Variants in CCNK observed in about 807,000 individuals in gnomAD.
CCNK encodes the protein cyclin-K.
A neutral mutation model predicts 65.0 loss-of-function variants in CCNK; 9 were observed. The ratio of observed to expected loss-of-function variants is 0.14; its 90% CI spans 0.08 to 0.24. The LOEUF (loss-of-function observed/expected upper bound fraction) is 0.24. Ranked by LOEUF, CCNK falls within the 10% of genes least tolerant of loss-of-function variation. CCNK has a pLI of 1.00. For synonymous variants in CCNK, 279 were observed against 270.8 expected, an observed-to-expected ratio of 1.03 and a Z score of -0.30; for missense variants, 474 against 720.0, an observed-to-expected ratio of 0.66 and a Z score of 3.91.
intron 1 of CCNK, among the ~76,000 whole-genome samples, chr14:99,485,498 C>G (rs1433819516): frequency 6.6e-6 from 1 of 152,192 alleles, no homozygotes; most frequent in East Asian, 1.9e-4. Flanking sequence ...CTAAGGTTAA[C>G]TTTCTTGCTG....
At chr14:99,496,572 T>G (rs1896706030) in intron 4 of CCNK, among the ~76,000 whole-genome samples, 1 of 151,642 alleles carries the variant, frequency 6.6e-6, no homozygotes. Flanking sequence ...TAACCGGGCG[T>G]GGTGGTGGGT....
chr14:99,500,700 C>T, intron 4 of CCNK, 66 bp from the exon 5 acceptor site: 1 of 1,060,932 alleles, frequency 9.4e-7, no homozygotes, highest in Non-Finnish European at 1.4e-6. Context: ...GGAAAGCTCA[C>T]TTTTGTAATG....
intron 4 of CCNK, among the ~76,000 whole-genome samples, chr14:99,498,439 G>A (rs550292932): frequency 3.3e-5 from 5 of 152,318 alleles, no homozygotes; most frequent in East Asian, 1.9e-4. Flanking sequence ...AGACATTGGG[G>A]AAGATGTTTT....
chr14:99,500,922 A>G (rs763071876), intron 5 of CCNK, 51 bp downstream of exon 5: 2 of 1,135,360 alleles, frequency 1.8e-6, no homozygotes, highest in African/African-American at 3.2e-5. Context: ...TCAAGTCTTT[A>G]TAATTTGATG....
intron 1 of CCNK, among the ~76,000 whole-genome samples, chr14:99,485,639 T>C (rs551853752): frequency 6.6e-6 from 1 of 152,296 alleles, no homozygotes; most frequent in East Asian, 1.9e-4. Flanking sequence ...ACCAAAACAA[T>C]AACAAAACCT....
chr14:99,488,217 T>C (rs2139851713), intron 1 of CCNK, among the ~76,000 whole-genome samples: 1 of 151,786 alleles, frequency 6.6e-6, no homozygotes, highest in South Asian at 2.1e-4. Flanking sequence ...CCCTCCCTAA[T>C]ACCCTCTAAT....
chr14:99,503,482 G>T (rs985511062), intron 8 of CCNK, 129 bp from the exon 9 acceptor site: 1 of 725,372 alleles, frequency 1.4e-6, no homozygotes, highest in Non-Finnish European at 2.3e-6. Context: ...GTTCAGGCTA[G>T]AAATAATTTT....
At chr14:99,490,928 C>CAAA (rs56222414) in intron 1 of CCNK, among the ~76,000 whole-genome samples, 3 of 80,022 alleles carry the variant, frequency 3.7e-5, no homozygotes, top group Admixed American at 1.4e-4. Context: ...GACTCCGTCT[C>CAAA]AAAAAAAAAA....
chr14:99,503,832 T>C lies in CCNK; in HGVS notation c.1045+188T>C. On this transcript the variant is annotated intron_variant, in intron 9 of 10. Coordinates refer to ENST00000389879, the MANE Select transcript of CCNK (RefSeq NM_001099402.2). Reference sequence around the variant, plus strand: ...GATCATAGATTCTAAAATTGTGCTCTTACGAAGCTATCAGTACAGAAAACA... The same window carrying C: ...GATCATAGATTCTAAAATTGTGCTCCTACGAAGCTATCAGTACAGAAAACA... 4 of 591,782 alleles carry C rather than the reference T, an allele frequency of 6.8e-6. No homozygotes were observed. The South Asian group carries it at 8.6e-5, about 13-fold the overall frequency. 36.7% of individuals were successfully genotyped at this position (591,782 alleles called of 1,614,324 possible).
At chr14:99,495,166 C>T (rs939035499) in intron 3 of CCNK, 1 of 189,492 alleles carries the variant, frequency 5.3e-6, no homozygotes, top group Non-Finnish European at 1.1e-5. Context: ...TCTTTTTCCA[C>T]GGCAAAGCTT....
rs1296820172 is a variant in CCNK at position 99,502,929 on chromosome 14, A to G, written c.956A>G (p.Gln319Arg). The part of the protein sequence containing the change: ...QPAQQQQPAQ[Q>R]PKKPSPQPSS... ...GCCCAGCAGCAGCAGCCAGCCCAACAGCCCAAGAAACCCTCTCCGCAGCCC... is the reference window on the plus strand; with the variant it reads ...GCCCAGCAGCAGCAGCCAGCCCAACGGCCCAAGAAACCCTCTCCGCAGCCC... Residue 319 changes from glutamine (Q) to arginine (R), a missense_variant, in exon 8 of 11, where the codon CAG becomes CGG. Coordinates refer to ENST00000389879, the MANE Select transcript of CCNK (RefSeq NM_001099402.2). 3 of 1,613,752 alleles carry G rather than the reference A, an allele frequency of 1.9e-6. No individual in the cohort carries two copies. In the African/African-American group the frequency reaches 4.0e-5, roughly 22 times the overall value.
intron 4 of CCNK, among the ~76,000 whole-genome samples, chr14:99,496,055 G>T (rs955708545): frequency 1.3e-5 from 2 of 152,122 alleles, no homozygotes; most frequent in African/African-American, 4.8e-5. Context: ...ATGTTGGAAG[G>T]TATCAACATT....
At position 99,492,796 on chromosome 14, in the gene CCNK, G is replaced by C; in HGVS notation, c.119G>C (p.Gly40Ala). 6.2e-7 allele frequency: 1 copy of C among 1,613,250 alleles called. No homozygotes were observed. Among genetic ancestry groups the C allele is most frequent in the South Asian group, 1.1e-5 (1 of 90,970 alleles). Residue 40 changes from glycine (G) to alanine (A), a missense_variant, in exon 2 of 11, where the codon GGA (glycine) becomes GCA (alanine). Coordinates refer to ENST00000389879, the MANE Select transcript of CCNK (RefSeq NM_001099402.2). Reference protein sequence around the residue: ...DLAHTPSQLEGLDPATEARYR... With the variant: ...DLAHTPSQLEALDPATEARYR... ...GCTCATACACCCTCACAACTTGAAGGACTTGATCCAGCCACCGAGGCCCGG... is the reference window on the plus strand; with the variant it reads ...GCTCATACACCCTCACAACTTGAAGCACTTGATCCAGCCACCGAGGCCCGG...
At chr14:99,496,930 CTT>C (rs146560564) in intron 4 of CCNK, among the ~76,000 whole-genome samples, 1 of 129,756 alleles carries the variant, frequency 7.7e-6, no homozygotes, top group African/African-American at 2.8e-5. Flanking sequence ...AAAAAAAATG[CTT>C]TTTTTTTTTT....
intron 4 of CCNK, among the ~76,000 whole-genome samples, chr14:99,496,566 C>T (rs909056382): frequency 2.6e-5 from 4 of 151,952 alleles, no homozygotes; most frequent in Non-Finnish European, 4.4e-5. Flanking sequence ...AAAAATTAAC[C>T]GGGCGTGGTG....
intron 4 of CCNK, chr14:99,500,117 A>G (rs149525068): frequency 1.3e-5 from 2 of 152,508 alleles, no homozygotes; most frequent in East Asian, 3.8e-4. Context: ...GTAGGCAGAC[A>G]TACACACGTA....
At chr14:99,488,540 G>A (rs1896539641) in intron 1 of CCNK, among the ~76,000 whole-genome samples, 1 of 152,102 alleles carries the variant, frequency 6.6e-6, no homozygotes, top group Non-Finnish European at 1.5e-5. Flanking sequence ...CTTAAATTTA[G>A]GTTAAGCTTT....
chr14:99,492,773 T>A lies in CCNK; in HGVS notation c.96T>A (p.Ala32=), dbSNP rs1018114554. ...GGTACTGGGATAAGAAAGACTTGGC[T>A]CATACACCCTCACAACTTGAAGGAC... is the stretch of plus-strand genomic sequence containing the variant. ...PCWYWDKKDL[A]HTPSQLEGLD... Residue 32 remains alanine (A), a synonymous_variant, in exon 2 of 11, where the codon GCT becomes GCA. Coordinates refer to ENST00000389879, the MANE Select transcript of CCNK (RefSeq NM_001099402.2). 6.2e-7 allele frequency: 1 copy of A among 1,613,402 alleles called. No homozygotes were observed. Among genetic ancestry groups the A allele is most frequent in the Admixed American group, 1.7e-5 (1 of 59,862 alleles).
In CCNK at chr14:99,510,702, C is replaced by A; in HGVS notation, c.1663C>A (p.Gln555Lys). ...ACCTCCTGCCGTCCCCCCTGGAGGA[C>A]AGCCTCCTGTGCCCCCGCCCATTCC... ...YPPPAVPPGG[Q>K]PPVPPPIPPP... is the part of the protein sequence containing the mutation. Residue 555 changes from glutamine to lysine, a missense_variant, in exon 11 of 11, where the codon CAG (glutamine) becomes AAG (lysine). Coordinates refer to ENST00000389879, the MANE Select transcript of CCNK (RefSeq NM_001099402.2). 1 of 1,430,564 alleles carries A rather than the reference C, an allele frequency of 7.0e-7. No individual in the cohort carries two copies. Among genetic ancestry groups the A allele is most frequent in the Non-Finnish European group, 9.2e-7 (1 of 1,090,918 alleles). The allele number at this position is 1,430,564 out of a possible 1,614,324, so 88.6% of individuals were successfully genotyped here.
Sources: gnomAD v4.1 joint callset for allele counts (sites outside exome capture counted in the v4.1 genomes callset) on GRCh38, gnomAD v4.1.1 for gene constraint, MANE v1.5 for transcripts, NCBI Gene and HGNC (gene_info 2026-07-23, HGNC 2026-07-21) for gene names.